The following STAG1 variants were observed in gnomAD, a reference collection of about 807,000 sequenced individuals.
STAG1 encodes STAG1 cohesin complex component.
A neutral mutation model predicts 170.9 loss-of-function variants in STAG1; 26 were observed. The ratio of observed to expected loss-of-function variants is 0.15; its 90% confidence interval spans 0.11 to 0.21. The LOEUF is 0.21. STAG1 is among the 10% of genes least tolerant of loss of function. The pLI is 1.00. For missense variants in STAG1, 964 were observed against 1,509.5 expected (o/e 0.64, Z 5.99); for synonymous variants, 514 against 497.7 (o/e 1.03, Z -0.44).
Position 136,521,285 on chromosome 3 carries a change from T to C in STAG1, c.604A>G (p.Thr202Ala). 1 of 1,613,850 alleles carries C rather than the reference T, an allele frequency of 6.2e-7. No individual in the cohort carries two copies. Among genetic ancestry groups the C allele is most frequent in the Non-Finnish European group, 8.5e-7 (1 of 1,179,814 alleles). The part of the protein sequence containing the change: ...SIIYDEYMMD[T>A]VISLLTGLSD... The stretch of plus-strand genomic sequence containing the variant: ...AAACCCGTCAAAAGGGAGATTACTG[T>C]GTCCATCATATACTCATCATAAATT... The change falls in exon 7 of 34, where the codon ACA (threonine) becomes GCA (alanine). Residue 202 changes from threonine (T) to alanine (A), a missense_variant. Coordinates refer to ENST00000383202, the MANE Select transcript of STAG1 (RefSeq NM_005862.3).
intron 5 of STAG1, among the ~76,000 whole-genome samples, chr3:136,547,496 T>G (rs923751064): frequency 1.3e-5 from 2 of 152,180 alleles, no homozygotes; most frequent in African/African-American, 2.4e-5. Flanking sequence ...CACTTCCTGC[T>G]TCCCCCTCCC....
intron 12 of STAG1, among the ~76,000 whole-genome samples, chr3:136,469,913 G>C (rs1009540126): frequency 2.0e-5 from 3 of 152,164 alleles, no homozygotes; most frequent in Non-Finnish European, 4.4e-5. Flanking sequence ...GAATGGTGCT[G>C]GGAAAACTGG....
chr3:136,413,211 ATATAT>A (rs1010432279), intron 21 of STAG1, among the ~76,000 whole-genome samples: 3 of 148,174 alleles, frequency 2.0e-5, no homozygotes, highest in African/African-American at 7.4e-5. Flanking sequence ...CACACACATT[ATATAT>A]TATATATAAT....
At chr3:136,439,276 C>G (rs563723912) in intron 15 of STAG1, among the ~76,000 whole-genome samples, 3 of 148,766 alleles carry the variant, frequency 2.0e-5, no homozygotes, top group Non-Finnish European at 3.0e-5. Context: ...CCAGAAGTTA[C>G]TTGATTTGGT....
intron 14 of STAG1, among the ~76,000 whole-genome samples, chr3:136,446,518 G>T (rs528159262): frequency 6.6e-6 from 1 of 151,694 alleles, no homozygotes; most frequent in African/African-American, 2.4e-5. Context: ...CGCCTCCCAG[G>T]TTCAAGCGAT....
chr3:136,638,094 A>G (rs576780103), intron 1 of STAG1, among the ~76,000 whole-genome samples: 1 of 151,584 alleles, frequency 6.6e-6, no homozygotes. Context: ...CTTTTTGTAG[A>G]AACAGGGTCT....
intron 2 of STAG1, among the ~76,000 whole-genome samples, chr3:136,623,677 G>A (rs577151982): frequency 5.4e-4 from 82 of 152,058 alleles, no homozygotes; most frequent in Admixed American, 1.0e-3. Flanking sequence ...ACATACGGCC[G>A]GGCACGGTGG....
intron 13 of STAG1, among the ~76,000 whole-genome samples, chr3:136,452,684 A>G (rs1015083633): frequency 1.3e-5 from 2 of 152,214 alleles, no homozygotes; most frequent in African/African-American, 4.8e-5. Context: ...TATAAAATGT[A>G]AAGGGAAACT....
At chr3:136,516,069 A>T (rs544437321) in intron 7 of STAG1, among the ~76,000 whole-genome samples, 1 of 152,220 alleles carries the variant, frequency 6.6e-6, no homozygotes, top group Non-Finnish European at 1.5e-5. Flanking sequence ...GCAATTATTT[A>T]TACTACATGG....
chr3:136,349,739 G>C (rs958964204), intron 28 of STAG1, among the ~76,000 whole-genome samples: 14 of 152,134 alleles, frequency 9.2e-5, no homozygotes, highest in African/African-American at 3.4e-4. Context: ...GTGGAGTAAG[G>C]AGGCTGGCAT....
intron 21 of STAG1, among the ~76,000 whole-genome samples, chr3:136,415,293 C>T (rs2087738655): frequency 6.9e-6 from 1 of 143,900 alleles, no homozygotes; most frequent in African/African-American, 2.6e-5. Context: ...CTAGGAACTT[C>T]TAGTTGAATT....
chr3:136,742,081 A>G lies in STAG1; in HGVS notation c.-84+10114T>C, dbSNP rs527638433. Among the ~76,000 whole-genome samples the G allele has an allele frequency of 2.6e-5, 4 of 152,358 alleles. No homozygotes were observed. In the South Asian group the frequency reaches 6.2e-4, roughly 24 times the overall value. Reference sequence around the variant, plus strand: ...CTTGACAGAATTAAGGGAAAAACAGATAATTCCACAGTCATAGTTGGATAT... The same window carrying G: ...CTTGACAGAATTAAGGGAAAAACAGGTAATTCCACAGTCATAGTTGGATAT... On this transcript the variant is annotated intron_variant, in intron 1 of 33. Transcript: ENST00000383202.
At chr3:136,421,184 A>C (rs755346851) in intron 19 of STAG1, 21 bp from the exon 20 acceptor site, 3 of 1,552,602 alleles carry the variant, frequency 1.9e-6, no homozygotes, top group Admixed American at 3.6e-5. Context: ...AGGAAACATC[A>C]CATCATTACA....
At chr3:136,478,040 T>C (rs1477954573) in intron 9 of STAG1, among the ~76,000 whole-genome samples, 1 of 152,164 alleles carries the variant, frequency 6.6e-6, no homozygotes, top group Non-Finnish European at 1.5e-5. Context: ...TCCACCCACC[T>C]CGGCCTCCCA....
intron 12 of STAG1, among the ~76,000 whole-genome samples, chr3:136,469,343 GACAA>G (rs1463575034): frequency 3.9e-5 from 6 of 152,096 alleles, no homozygotes; most frequent in Non-Finnish European, 7.3e-5. Flanking sequence ...ACCAGTAACA[GACAA>G]ACAGAGAGCC....
At chr3:136,345,455 GTTTTTTT>G (rs34593330) in intron 29 of STAG1, among the ~76,000 whole-genome samples, 1 of 99,276 alleles carries the variant, frequency 1.0e-5, no homozygotes, top group Non-Finnish European at 2.0e-5. Flanking sequence ...TTACCTAGTT[GTTTTTTT>G]TTTTTTTTTT....
chr3:136,613,281 G>C (rs1576668341), intron 3 of STAG1, among the ~76,000 whole-genome samples: 1 of 104,496 alleles, frequency 9.6e-6, no homozygotes, highest in East Asian at 3.3e-4. Flanking sequence ...CTCCAGCCTG[G>C]GCAACAAAGT....
rs374488329 is a variant in STAG1 at position 136,490,893 on chromosome 3, G to C, written c.902+9330C>G. Among the ~76,000 whole-genome samples, 28 of 152,116 alleles carry C rather than the reference G, an allele frequency of 1.8e-4. No homozygotes were observed. The East Asian group carries it at 2.5e-3, about 14-fold the overall frequency. On this transcript the variant is annotated intron_variant, in intron 9 of 33. Transcript: ENST00000383202. ...AACAACTTTGTTATTCTTTTTTGTT[G>C]TTGTTGTTATTCTTTTACCATTACT...
At chr3:136,650,264 G>T (rs1941171332) in intron 1 of STAG1, among the ~76,000 whole-genome samples, 1 of 149,876 alleles carries the variant, frequency 6.7e-6, no homozygotes, top group Non-Finnish European at 1.5e-5. Context: ...AGAGAGACAG[G>T]AAAAATAATA....
Sources: allele counts gnomAD v4.1 joint callset (sites outside exome capture counted in the v4.1 genomes callset), GRCh38; gene constraint gnomAD v4.1.1; transcripts MANE v1.5; gene names NCBI Gene and HGNC (gene_info 2026-07-23, HGNC 2026-07-21).